Variants in PTPN22 observed in about 807,000 individuals in gnomAD.
PTPN22 encodes the protein protein tyrosine phosphatase non-receptor type 22.
A neutral mutation model predicts 103.3 loss-of-function variants in PTPN22; 85 were observed. That is an observed-to-expected ratio of 0.82 (90% CI 0.69 to 0.99). The LOEUF is 0.99. PTPN22 is among the 50% of genes least tolerant of loss of function. PTPN22 has a pLI of 0.00. For missense variants in PTPN22, 865 were observed against 936.9 expected (o/e 0.92, Z 1.00); for synonymous variants, 323 against 310.2 (o/e 1.04, Z -0.43).
chr1:113,821,018 A>G (rs146591701), intron 19 of PTPN22, among the ~76,000 whole-genome samples: 168 of 151,036 alleles, frequency 1.1e-3, no homozygotes, highest in African/African-American at 3.7e-3. Context: ...TATAAAGTAT[A>G]AGTATAAAAT....
In PTPN22 at chr1:113,829,492, A is replaced by G. The variant is rs1662365081; in HGVS notation, c.2250+100T>C. On this transcript the variant is annotated intron_variant, in intron 18 of 20. Coordinates refer to ENST00000359785, the Ensembl canonical transcript of PTPN22. ...ATAATATCAACAATTAGTTTTAATA[A>G]AGATATTTAATCTAATTTTCCATCT... The G allele has an allele frequency of 6.6e-6, 4 of 604,330 alleles. No homozygotes were observed. In the Admixed American group the frequency reaches 8.7e-5, roughly 13 times the overall value. 37.4% of individuals were successfully genotyped at this position (604,330 alleles called of 1,614,324 possible).
In PTPN22 at chr1:113,863,906, AATAT is replaced by A. The variant is rs144077372; in HGVS notation, c.88-4450_88-4447del. ...TTCAATGAATCCTTTATATTTAATA[AATAT>A]ATATATATATATATATATTTTTTTT... On this transcript the variant is annotated intron_variant, in intron 1 of 20. Coordinates refer to ENST00000359785, the Ensembl canonical transcript of PTPN22. Among the ~76,000 whole-genome samples the A allele has an allele frequency of 3.5e-3, 329 of 95,154 alleles. 4 individuals are homozygous for A. Among genetic ancestry groups the A allele is most frequent in the South Asian group, 2.0e-3 (5 of 2,466 alleles). 62.4% of individuals were successfully genotyped at this position (95,154 alleles called of 152,430 possible).
At chr1:113,841,392 G>T (rs189068486) in intron 11 of PTPN22, among the ~76,000 whole-genome samples, 1 of 152,224 alleles carries the variant, frequency 6.6e-6, no homozygotes, top group East Asian at 1.9e-4. Flanking sequence ...TCTTGGATAG[G>T]ACACCAAAGG....
At chr1:113,871,427 G>T (rs771927067) in intron 1 of PTPN22, 110 bp downstream of exon 1, 9 of 800,372 alleles carry the variant, frequency 1.1e-5, no homozygotes, top group Middle Eastern at 2.4e-4. Flanking sequence ...CCCCGCCAAG[G>T]TCTCATATTT....
chr1:113,814,913 T>G, exon 21 of PTPN22: 1 of 1,605,384 alleles, frequency 6.2e-7, no homozygotes, highest in Non-Finnish European at 8.5e-7. Flanking sequence ...TATTAAATAT[T>G]CCAAGTTGGT....
At chr1:113,846,560 T>C (rs1664069192) in intron 11 of PTPN22, among the ~76,000 whole-genome samples, 1 of 152,234 alleles carries the variant, frequency 6.6e-6, no homozygotes, top group South Asian at 2.1e-4. Flanking sequence ...TACCCACTTT[T>C]GTTTATTATG....
chr1:113,837,957 A>C lies in PTPN22; in HGVS notation c.1443T>G (p.Phe481Leu), dbSNP rs145866511. ...TTACTTTTTGAGCCTGCATCTCTAC[A>C]AAACAAGAATCATGTGGTTGAGATT... Residue 481 changes from phenylalanine (F) to leucine (L), a missense_variant, in exon 13 of 21, where the codon TTT becomes TTG. Phe to Leu is a conservative substitution (Grantham distance 22). Coordinates refer to ENST00000359785, the Ensembl canonical transcript of PTPN22. The C allele has an allele frequency of 5.6e-6, 9 of 1,614,060 alleles. No individual in the cohort carries two copies. The highest frequency in any genetic ancestry group is 7.6e-6 in the Non-Finnish European group (9 of 1,180,040).
intron 11 of PTPN22, among the ~76,000 whole-genome samples, chr1:113,844,764 A>T (rs868009401): frequency 2.0e-5 from 3 of 152,178 alleles, no homozygotes. Context: ...TTTGATTTCC[A>T]AGGATTTGGA....
At chr1:113,832,269 C>A (rs1662612957) in intron 16 of PTPN22, among the ~76,000 whole-genome samples, 1 of 152,156 alleles carries the variant, frequency 6.6e-6, no homozygotes, top group African/African-American at 2.4e-5. Flanking sequence ...CTCACTGCAA[C>A]CTCCACCTCC....
At chr1:113,825,475 ATTGT>A (rs2101899177) in intron 18 of PTPN22, among the ~76,000 whole-genome samples, 1 of 152,236 alleles carries the variant, frequency 6.6e-6, no homozygotes, top group South Asian at 2.1e-4. Context: ...AGGCAGGAGG[ATTGT>A]TTGAGCTCAG....
intron 1 of PTPN22, among the ~76,000 whole-genome samples, chr1:113,865,747 A>G (rs1666068025): frequency 6.6e-6 from 1 of 152,226 alleles, no homozygotes; most frequent in African/African-American, 2.4e-5. Flanking sequence ...GGAAAAATAT[A>G]TTCATATTAG....
exon 1 of PTPN22, chr1:113,871,603 C>G: frequency 6.2e-7 from 1 of 1,613,990 alleles, no homozygotes; most frequent in South Asian, 1.1e-5. Flanking sequence ...GGAACTTCTG[C>G]AGAATTTCTC....
rs145323792 is a variant in PTPN22 at position 113,846,602 on chromosome 1, G to A, written c.915+1938C>T. On this transcript the variant is annotated intron_variant, in intron 11 of 20. Coordinates refer to ENST00000359785, the Ensembl canonical transcript of PTPN22. Reference sequence around the variant, plus strand: ...CTTCCTTCTTTCATCATTCCCTTTCGGTTTAGAAAGTTTCCTTTGCCATTT... The same window carrying A: ...CTTCCTTCTTTCATCATTCCCTTTCAGTTTAGAAAGTTTCCTTTGCCATTT... Among the ~76,000 whole-genome samples, 413 of 151,910 alleles carry A rather than the reference G, an allele frequency of 2.7e-3. 1 individual carries two copies. Among genetic ancestry groups the A allele is most frequent in the African/African-American group, 7.6e-3 (315 of 41,412 alleles).
rs572758804 is a variant in PTPN22 at position 113,822,574 on chromosome 1, G to T, written c.2281+2568C>A. 8.5e-5 allele frequency among the ~76,000 whole-genome samples: 13 copies of T among 152,188 alleles called. No homozygotes were observed. In the South Asian group the frequency reaches 2.5e-3, roughly 29 times the overall value. On this transcript the variant is annotated intron_variant, in intron 19 of 20. Coordinates refer to ENST00000359785, the Ensembl canonical transcript of PTPN22. ...ATACACCAAAATCTCCTACCTCAGA[G>T]ATTTTGTTCCCTCTATCTGAAATAC...
At chr1:113,833,009 A>G in intron 16 of PTPN22, 102 bp downstream of exon 16, 4 of 1,169,294 alleles carry the variant, frequency 3.4e-6, no homozygotes, top group Non-Finnish European at 3.7e-6. Flanking sequence ...GGAAGCTATT[A>G]TGGGAACCAA....
At chr1:113,853,514 C>T (rs1664756591) in intron 9 of PTPN22, among the ~76,000 whole-genome samples, 1 of 151,198 alleles carries the variant, frequency 6.6e-6, no homozygotes, top group African/African-American at 2.4e-5. Context: ...CCACACCTGG[C>T]TAATTTTGTA....
At chr1:113,863,462 G>A (rs1665800580) in intron 1 of PTPN22, among the ~76,000 whole-genome samples, 1 of 152,202 alleles carries the variant, frequency 6.6e-6, no homozygotes, top group Non-Finnish European at 1.5e-5. Context: ...GTGAGAGGCT[G>A]GAGATGGTGT....
At chr1:113,850,516 G>A (rs1664490068) in intron 10 of PTPN22, among the ~76,000 whole-genome samples, 1 of 152,158 alleles carries the variant, frequency 6.6e-6, no homozygotes, top group Non-Finnish European at 1.5e-5. Flanking sequence ...ATATAACTAG[G>A]TTCCATACTT....
intron 20 of PTPN22, among the ~76,000 whole-genome samples, chr1:113,816,551 A>G (rs939540457): frequency 6.6e-6 from 1 of 151,984 alleles, no homozygotes; most frequent in African/African-American, 2.4e-5. Flanking sequence ...TTTGGAGGTG[A>G]GTATGGAGGA....
Sources: allele counts gnomAD v4.1 joint callset (sites outside exome capture counted in the v4.1 genomes callset), GRCh38; gene constraint gnomAD v4.1.1; transcripts MANE v1.5; gene names NCBI Gene and HGNC (gene_info 2026-07-23, HGNC 2026-07-21).